Variants in RIN3 observed in about 807,000 individuals in gnomAD.
RIN3 encodes the protein RAB5 interacting protein 3.
In RIN3, 54 loss-of-function variants were observed where a neutral mutation model predicts 76.3. The ratio of observed to expected loss-of-function variants is 0.71; its 90% CI spans 0.57 to 0.89. The LOEUF is 0.89. Ranked by LOEUF, RIN3 falls within the 40% of genes least tolerant of loss-of-function variation. The pLI is 0.00. For synonymous variants in RIN3, 576 were observed against 564.0 expected (o/e 1.02, Z -0.30); for missense variants, 1,256 against 1,322.1 (o/e 0.95, Z 0.78).
intron 2 of RIN3, among the ~76,000 whole-genome samples, chr14:92,559,254 G>C (rs1290966689): frequency 6.6e-6 from 1 of 152,140 alleles, no homozygotes; most frequent in Admixed American, 6.6e-5. Context: ...GTGGAAGGAG[G>C]GCTGGAGTCC....
intron 6 of RIN3, among the ~76,000 whole-genome samples, chr14:92,654,816 C>T (rs2140145829): frequency 6.6e-6 from 1 of 152,324 alleles, no homozygotes; most frequent in Admixed American, 6.5e-5. Context: ...GAGCAAAGCA[C>T]TCAAAAGTTT....
intron 2 of RIN3, among the ~76,000 whole-genome samples, chr14:92,573,143 A>G (rs982804046): frequency 6.6e-6 from 1 of 152,012 alleles, no homozygotes; most frequent in Non-Finnish European, 1.5e-5. Context: ...CAGCCTCCCA[A>G]AGTGCTGGGA....
At chr14:92,520,150 C>T (rs1036478763) in intron 1 of RIN3, among the ~76,000 whole-genome samples, 10 of 152,256 alleles carry the variant, frequency 6.6e-5, no homozygotes, top group Non-Finnish European at 1.5e-4. Context: ...ATGGAATGAA[C>T]GAGCCTGCAA....
At chr14:92,678,673 C>T (rs984478961) in intron 8 of RIN3, among the ~76,000 whole-genome samples, 2 of 151,892 alleles carry the variant, frequency 1.3e-5, no homozygotes, top group Non-Finnish European at 2.9e-5. Flanking sequence ...CACCCGTCCA[C>T]CCATCCACTC....
intron 3 of RIN3, among the ~76,000 whole-genome samples, chr14:92,598,029 C>A (rs1276399170): frequency 2.0e-5 from 3 of 152,160 alleles, no homozygotes; most frequent in African/African-American, 7.2e-5. Flanking sequence ...TATTGCCTCT[C>A]TCCTTGGATC....
rs537587378 is a variant in RIN3 at position 92,672,406 on chromosome 14, CCTT to C, written c.2336-4066_2336-4064del. Reference sequence around the variant, plus strand: ...CAGCCTGGGCGACAAGAGCAAGACTCCTTCTACAAAAAAGAAAAAGAAAATAGA... The same window carrying C: ...CAGCCTGGGCGACAAGAGCAAGACTCCTACAAAAAAGAAAAAGAAAATAGA... On this transcript the variant is annotated intron_variant, in intron 7 of 9. Coordinates refer to ENST00000216487, the MANE Select transcript of RIN3 (RefSeq NM_024832.5). 1.8e-3 allele frequency among the ~76,000 whole-genome samples: 271 copies of C among 152,228 alleles called. 1 individual carries two copies. Among genetic ancestry groups the C allele is most frequent in the African/African-American group, 6.0e-3 (248 of 41,540 alleles).
chr14:92,515,965 C>G (rs1356517127), intron 1 of RIN3, among the ~76,000 whole-genome samples: 14 of 152,040 alleles, frequency 9.2e-5, no homozygotes, highest in Admixed American at 9.2e-4. Context: ...CTCTGTCTGC[C>G]CAGGGTCCAG....
At chr14:92,571,462 G>A (rs2104239) in intron 2 of RIN3, among the ~76,000 whole-genome samples, 84,328 of 152,006 alleles carry the variant, frequency 0.55, 23,752 homozygotes, top group East Asian at 0.78. Context: ...CAAGGCTCTA[G>A]ATAATTTGAA....
rs577419700 is a variant in RIN3, at chr14:92,540,729, C to T, written c.45-15022C>T. On this transcript the variant is annotated intron_variant, in intron 1 of 9. Transcript: ENST00000216487. The stretch of plus-strand genomic sequence containing the variant: ...AAAGCCATGGAGAAGCCAGCCTGGC[C>T]GCCTGCCTTCTCCCAGGCTGTTCAC... 1.2e-3 allele frequency among the ~76,000 whole-genome samples: 183 copies of T among 152,258 alleles called. 1 individual carries two copies. Among genetic ancestry groups the T allele is most frequent in the African/African-American group, 4.1e-3 (171 of 41,564 alleles).
intron 3 of RIN3, among the ~76,000 whole-genome samples, chr14:92,614,643 T>A (rs1415531220): frequency 1.3e-5 from 2 of 151,914 alleles, no homozygotes; most frequent in African/African-American, 4.8e-5. Context: ...CTCCTGGTAG[T>A]GAATAAGGCT....
Position 92,652,443 on chromosome 14 carries a change from G to A in RIN3, c.1394G>A (p.Arg465Gln), listed in dbSNP as rs146213776. The A allele has an allele frequency of 1.1e-5, 18 of 1,613,726 alleles. 1 individual carries two copies. In the Middle Eastern group the frequency reaches 4.9e-4, roughly 44 times the overall value. ...QPPVPPPRKKRISRQLASTLP... is the reference protein window; with the variant it reads ...QPPVPPPRKKQISRQLASTLP... Reference sequence around the variant, plus strand: ...CCAGTCCCGCCCCCCAGGAAAAAACGGATCTCTCGACAACTGGCCTCGACC... The same window carrying A: ...CCAGTCCCGCCCCCCAGGAAAAAACAGATCTCTCGACAACTGGCCTCGACC... The change falls in exon 6 of 10, where the codon CGG becomes CAG. Residue 465 changes from arginine to glutamine, a missense_variant. Around this residue, in one of 3 missense-constraint regions of RIN3, gnomAD observed 610 missense variants for 626.4 expected, o/e 0.97. Transcript: ENST00000216487. The surrounding 1 kb of genome is among the most constrained non-coding windows in gnomAD (Gnocchi z 6.4).
At chr14:92,522,397 A>G (rs74072909) in intron 1 of RIN3, among the ~76,000 whole-genome samples, 2,990 of 152,280 alleles carry the variant, frequency 0.02, 89 homozygotes, top group African/African-American at 0.069. Flanking sequence ...ATACACAGAC[A>G]CACCCAAAAC....
chr14:92,687,692 C>T, intron 9 of RIN3: 1 of 515,962 alleles, frequency 1.9e-6, no homozygotes, highest in Non-Finnish European at 3.4e-6. Flanking sequence ...GCAGGGACTC[C>T]GAGACGCGCC....
Position 92,685,039 on chromosome 14 carries a change from C to T in RIN3, c.2520C>T (p.Tyr840=), listed in dbSNP as rs201732266. 5 of 1,614,084 alleles carry T rather than the reference C, an allele frequency of 3.1e-6. No individual in the cohort carries two copies. The highest frequency in any genetic ancestry group is 2.7e-5 in the African/African-American group (2 of 75,056). The change falls in exon 9 of 10, where the codon TAC becomes TAT. Residue 840 remains tyrosine, a synonymous_variant. Coordinates refer to ENST00000216487, the MANE Select transcript of RIN3 (RefSeq NM_024832.5). This position sits in a 1 kb window ranked among gnomAD's most constrained non-coding sequence, Gnocchi z 4.7. ...TYGALEHIKS[Y]DKITVTRQLS... The stretch of plus-strand genomic sequence containing the variant: ...GGGCCCTGGAGCACATCAAGAGCTA[C>T]GACAAGATCACGGTGACCCGGCAGC...
In RIN3 at chr14:92,688,368, GC is replaced by G; in HGVS notation, c.*119del. The G allele has an allele frequency of 9.9e-7, 1 of 1,010,596 alleles. No individual in the cohort carries two copies. The highest frequency in any genetic ancestry group is 1.4e-6 in the Non-Finnish European group (1 of 714,228). The allele number at this position is 1,010,596 out of a possible 1,614,324, so 62.6% of individuals were successfully genotyped here. ...AGGGACATGGGCCATTCCATGACGTGCCCAGGCCAACGTCGCAGGACAGTTG... is the reference window on the plus strand; with the variant it reads ...AGGGACATGGGCCATTCCATGACGTGCCAGGCCAACGTCGCAGGACAGTTG... On this transcript the variant is annotated 3_prime_UTR_variant, in exon 10 of 10. Coordinates refer to ENST00000216487, the MANE Select transcript of RIN3 (RefSeq NM_024832.5).
At chr14:92,545,474 T>C (rs1897238841) in intron 1 of RIN3, among the ~76,000 whole-genome samples, 1 of 152,144 alleles carries the variant, frequency 6.6e-6, no homozygotes, top group Non-Finnish European at 1.5e-5. Flanking sequence ...CAGTGAATTC[T>C]TGTTGGTACA....
intron 8 of RIN3, among the ~76,000 whole-genome samples, chr14:92,678,157 C>CCCAT (rs1262929943): frequency 6.7e-6 from 1 of 149,252 alleles, no homozygotes; most frequent in Non-Finnish European, 1.5e-5. Flanking sequence ...TAACCATCTA[C>CCCAT]CCATCCATCC....
rs375906383 is a variant in RIN3 at position 92,603,773 on chromosome 14, A to G, written c.368-11634A>G. On this transcript the variant is annotated intron_variant, in intron 3 of 9. Transcript: ENST00000216487. ...GCAGTGCTGGCAGCCCTGGTCTGGC[A>G]GCACCTTTTCCTCAGGCAGGAAAGG... 1.6e-4 allele frequency among the ~76,000 whole-genome samples: 25 copies of G among 152,312 alleles called. 1 individual carries two copies. The highest frequency in any genetic ancestry group is 5.5e-4 in the African/African-American group (23 of 41,570).
chr14:92,577,957 G>C (rs1898306499), intron 3 of RIN3, among the ~76,000 whole-genome samples: 1 of 152,180 alleles, frequency 6.6e-6, no homozygotes, highest in Non-Finnish European at 1.5e-5. Flanking sequence ...ACAAAAATCT[G>C]GGCCAGGCTT....
Sources: allele counts gnomAD v4.1 joint callset (sites outside exome capture counted in the v4.1 genomes callset), GRCh38; gene constraint gnomAD v4.1.1; regional missense constraint gnomAD v4.1.1; non-coding constraint Gnocchi (gnomAD v3.1); transcripts MANE v1.5; gene names NCBI Gene and HGNC (gene_info 2026-07-23, HGNC 2026-07-21).